The following CPNE8 variants were observed in gnomAD, a reference collection of about 807,000 sequenced individuals.
The protein encoded by CPNE8 is copine-8.
In CPNE8, 45 loss-of-function variants were observed where a neutral mutation model predicts 81.5. The observed-to-expected ratio is 0.55, with a 90% CI of 0.44 to 0.71. The LOEUF is 0.71. Ranked by LOEUF, CPNE8 falls within the 30% of genes least tolerant of loss-of-function variation. The pLI is 0.00. For missense variants in CPNE8, 594 were observed against 672.1 expected, an observed-to-expected ratio of 0.88 and a Z score of 1.28; for synonymous variants, 252 against 226.3, an observed-to-expected ratio of 1.11 and a Z score of -1.02.
At chr12:38,685,410 G>A in intron 16 of CPNE8, 80 bp downstream of exon 16, 1 of 1,443,906 alleles carries the variant, frequency 6.9e-7, no homozygotes, top group Non-Finnish European at 9.4e-7. Flanking sequence ...TTTCATGTGT[G>A]GAGTCATGCT....
intron 10 of CPNE8, among the ~76,000 whole-genome samples, chr12:38,734,634 T>C (rs531308199): frequency 6.6e-6 from 1 of 152,166 alleles, no homozygotes; most frequent in South Asian, 2.1e-4. Context: ...TCAGTCAACC[T>C]CTGGGTCCTT....
chr12:38,809,383 T>TG (rs1942888933), intron 6 of CPNE8, among the ~76,000 whole-genome samples: 4 of 151,742 alleles, frequency 2.6e-5, no homozygotes, highest in African/African-American at 9.7e-5. Context: ...TAACTTTCTC[T>TG]TGCATTGCAT....
At chr12:38,809,022 C>G (rs1942880682) in intron 6 of CPNE8, among the ~76,000 whole-genome samples, 1 of 152,100 alleles carries the variant, frequency 6.6e-6, no homozygotes, top group Admixed American at 6.6e-5. Flanking sequence ...TTCTTTTATA[C>G]TGCTATGAAA....
rs750050507 is a variant in CPNE8, at chr12:38,767,713, G to A, written c.497C>T (p.Ala166Val). ...CRDAVLMQFCANKLDKKDFFG... is the reference protein window; with the variant it reads ...CRDAVLMQFCVNKLDKKDFFG... ...GAAGTCCTTCTTGTCCAATTTGTTC[G>A]CACAAAATTGCATCAAAACGGCATC... is the stretch of plus-strand genomic sequence containing the variant. The change falls in exon 8 of 20, where the codon GCG becomes GTG. Residue 166 changes from alanine to valine, a missense_variant. Coordinates refer to ENST00000331366, the MANE Select transcript of CPNE8 (RefSeq NM_153634.3). 8 of 1,547,904 alleles carry A rather than the reference G, an allele frequency of 5.2e-6. No homozygotes were observed. The highest frequency in any genetic ancestry group is 2.1e-5 in the Admixed American group (1 of 48,586).
chr12:38,735,509 CT>C (rs1385568244), intron 10 of CPNE8, among the ~76,000 whole-genome samples: 3 of 152,012 alleles, frequency 2.0e-5, no homozygotes, highest in African/African-American at 7.2e-5. Context: ...CGTATTAGCT[CT>C]CTCTGATTTT....
intron 4 of CPNE8, among the ~76,000 whole-genome samples, chr12:38,844,962 C>T (rs1240791296): frequency 2.0e-5 from 3 of 152,090 alleles, no homozygotes; most frequent in African/African-American, 7.2e-5. Context: ...AACTACATTA[C>T]TACAGTGAAA....
intron 6 of CPNE8, among the ~76,000 whole-genome samples, chr12:38,810,379 A>T (rs1339227995): frequency 6.6e-6 from 1 of 152,164 alleles, no homozygotes; most frequent in Non-Finnish European, 1.5e-5. Context: ...TTCTAATTGT[A>T]TATCTCCCTG....
At chr12:38,799,075 C>CT (rs931178150) in intron 6 of CPNE8, among the ~76,000 whole-genome samples, 42 of 152,254 alleles carry the variant, frequency 2.8e-4, no homozygotes, top group African/African-American at 9.9e-4. Flanking sequence ...TACAAAGAGA[C>CT]TTAGACTCCC....
chr12:38,754,514 A>G (rs1255022700), intron 10 of CPNE8, among the ~76,000 whole-genome samples: 1 of 152,094 alleles, frequency 6.6e-6, no homozygotes, highest in Non-Finnish European at 1.5e-5. Flanking sequence ...TGTTGAACAC[A>G]TAATGAGTGC....
At chr12:38,876,201 C>T (rs755793887) in intron 1 of CPNE8, among the ~76,000 whole-genome samples, 31 of 152,038 alleles carry the variant, frequency 2.0e-4, no homozygotes, top group Non-Finnish European at 3.5e-4. Context: ...TTTCTATAAA[C>T]AATAGGACAG....
At chr12:38,748,704 A>G (rs1451631562) in intron 10 of CPNE8, among the ~76,000 whole-genome samples, 1 of 151,908 alleles carries the variant, frequency 6.6e-6, no homozygotes, top group African/African-American at 2.4e-5. Flanking sequence ...GGGGTTTCAC[A>G]GTGTTAGCCA....
At chr12:38,723,713 T>C (rs1940624684) in intron 13 of CPNE8, 59 bp downstream of exon 13, 2 of 1,043,478 alleles carry the variant, frequency 1.9e-6, no homozygotes, top group Non-Finnish European at 3.0e-6. Context: ...GTGGTAGCGC[T>C]TGTTACACAA....
intron 1 of CPNE8, among the ~76,000 whole-genome samples, chr12:38,897,303 A>G (rs1224031345): frequency 6.6e-6 from 1 of 152,140 alleles, no homozygotes; most frequent in Non-Finnish European, 1.5e-5. Flanking sequence ...ACAAGCTACC[A>G]AAATCCCTTT....
chr12:38,821,702 G>C (rs1231999798), intron 6 of CPNE8, among the ~76,000 whole-genome samples: 5 of 152,150 alleles, frequency 3.3e-5, no homozygotes, highest in African/African-American at 1.2e-4. Context: ...TCATCTGTAT[G>C]ACTTTAGTTG....
chr12:38,706,499 T>G (rs1424052811), intron 13 of CPNE8, among the ~76,000 whole-genome samples: 1 of 152,198 alleles, frequency 6.6e-6, no homozygotes, highest in South Asian at 2.1e-4. Flanking sequence ...TATAATCTCA[T>G]GCTTGGGCAA....
intron 10 of CPNE8, among the ~76,000 whole-genome samples, chr12:38,752,663 A>T (rs992938543): frequency 6.6e-6 from 1 of 152,208 alleles, no homozygotes; most frequent in Admixed American, 6.5e-5. Flanking sequence ...AGCATCAAAT[A>T]TCAAGAAATA....
chr12:38,727,826 T>C (rs1940739020), intron 11 of CPNE8, among the ~76,000 whole-genome samples: 1 of 152,124 alleles, frequency 6.6e-6, no homozygotes, highest in Non-Finnish European at 1.5e-5. Context: ...TTTGAAGGGG[T>C]GTACACATGC....
At chr12:38,714,826 T>C (rs1940347049) in intron 13 of CPNE8, among the ~76,000 whole-genome samples, 1 of 152,014 alleles carries the variant, frequency 6.6e-6, no homozygotes, top group South Asian at 2.1e-4. Context: ...AACAATCTGG[T>C]TTCACAAACA....
intron 16 of CPNE8, among the ~76,000 whole-genome samples, chr12:38,678,859 C>T (rs1182977920): frequency 6.6e-6 from 1 of 151,660 alleles, no homozygotes; most frequent in Middle Eastern, 3.2e-3. Context: ...TAAAAATATC[C>T]CCATAATACT....
Sources: gnomAD v4.1 joint callset for allele counts (sites outside exome capture counted in the v4.1 genomes callset) on GRCh38, gnomAD v4.1.1 for gene constraint, MANE v1.5 for transcripts, NCBI Gene and HGNC (gene_info 2026-07-23, HGNC 2026-07-21) for gene names.